TF: variants seen among roughly 807,000 people sequenced by gnomAD.
The protein encoded by TF is serotransferrin.
Under a neutral mutation model 82.4 loss-of-function variants are expected in TF, and 55 were observed. That is an observed-to-expected ratio of 0.67 (90% confidence interval 0.54 to 0.84). The LOEUF (loss-of-function observed/expected upper bound fraction) is 0.84. TF is among the 40% of genes least tolerant of loss of function. The pLI is 0.00. For missense variants in TF, 737 were observed against 868.4 expected (o/e 0.85, Z 1.90); for synonymous variants, 332 against 332.6 (o/e 1.00, Z 0.02).
chr3:133,771,807 C>T (rs1934268754), intron 14 of TF, among the ~76,000 whole-genome samples: 1 of 150,514 alleles, frequency 6.6e-6, no homozygotes, highest in South Asian at 2.1e-4. Context: ...GTTGGACAGC[C>T]ATAATATTAA....
chr3:133,722,935 T>C, the TF span, among the ~76,000 whole-genome samples: 7 of 152,360 alleles, frequency 4.6e-5, no homozygotes, highest in South Asian at 1.4e-3. Context: ...GTAGCACTCC[T>C]TTAAACATTT....
At chr3:133,668,151 GA>G in the TF span, among the ~76,000 whole-genome samples, 1 of 152,210 alleles carries the variant, frequency 6.6e-6, no homozygotes, top group African/African-American at 2.4e-5. Flanking sequence ...AAACTGACTG[GA>G]ACCAAATAGA....
the TF span, among the ~76,000 whole-genome samples, chr3:133,716,367 G>A: frequency 6.6e-6 from 1 of 152,244 alleles, no homozygotes; most frequent in South Asian, 2.1e-4. Flanking sequence ...TCCCACCCAA[G>A]TGCTGCATCC....
the TF span, among the ~76,000 whole-genome samples, chr3:133,663,025 C>T: frequency 6.6e-6 from 1 of 152,206 alleles, no homozygotes; most frequent in South Asian, 2.1e-4. Flanking sequence ...TTTATCTGTG[C>T]ATTTCCTTGG....
rs1460031431 is a variant in TF, at chr3:133,794,808, T to G, written c.*16188T>G. On this transcript the variant is annotated 3_prime_UTR_variant, in exon 17 of 17. Transcript: ENST00000402696. ...CCAAGATCATGAATCAAGACTTCTC[T>G]ATTATCATGAGACTCTTATCTTTGA... The G allele has an allele frequency of 6.6e-6, 1 of 152,270 alleles. No individual in the cohort carries two copies. Among genetic ancestry groups the G allele is most frequent in the Non-Finnish European group, 1.5e-5 (1 of 68,046 alleles). The allele number at this position is 152,270 out of a possible 1,614,324, so 9.4% of individuals were successfully genotyped here. A position where few individuals can be genotyped will look rare whatever the true frequency, so the allele number is the denominator to read the frequency against.
At chr3:133,777,893 G>A in intron 16 of TF, 1 of 156,656 alleles carries the variant, frequency 6.4e-6, no homozygotes, top group Non-Finnish European at 1.4e-5. Context: ...TGAGTCACCT[G>A]AAAAAGTTTG....
At chr3:133,702,544 C>T in the TF span, among the ~76,000 whole-genome samples, 1 of 151,568 alleles carries the variant, frequency 6.6e-6, no homozygotes, top group Non-Finnish European at 1.5e-5. Context: ...GACCCTGTCT[C>T]TAAAAAAATC....
Position 133,784,987 on chromosome 3 carries a change from G to T in TF, c.*6367G>T. The T allele has an allele frequency of 7.4e-6, 1 of 134,366 alleles. No homozygotes were observed. The highest frequency in any genetic ancestry group is 1.7e-5 in the Non-Finnish European group (1 of 59,486). 8.3% of individuals were successfully genotyped at this position (134,366 alleles called of 1,614,324 possible). ...CCGCCTGGCCAGCCGCCCCGTCCGG[G>T]AGGGAGGTGGGGGGGTCAGCCCCCC... is the stretch of plus-strand genomic sequence containing the variant. On this transcript the variant is annotated 3_prime_UTR_variant, in exon 17 of 17. Transcript: ENST00000402696.
At chr3:133,714,282 C>T in the TF span, among the ~76,000 whole-genome samples, 12 of 152,226 alleles carry the variant, frequency 7.9e-5, no homozygotes, top group Middle Eastern at 6.8e-3. Context: ...GTATTGTGGG[C>T]AGTGCTGGAC....
chr3:133,704,333 C>T, the TF span: 6 of 222,944 alleles, frequency 2.7e-5, no homozygotes, highest in East Asian at 6.6e-4. Flanking sequence ...AGGGGAGTGT[C>T]CGTCTCCATT....
Position 133,786,665 on chromosome 3 carries a change from C to T in TF, c.*8045C>T, listed in dbSNP as rs997195985. ...TTTGTACATTTCGTTTTAAGATTCC[C>T]AGGAAAGACAGTCTTCTGAAAATTT... On this transcript the variant is annotated 3_prime_UTR_variant, in exon 17 of 17. Coordinates refer to ENST00000402696, the MANE Select transcript of TF (RefSeq NM_001063.4). The T allele has an allele frequency of 6.6e-6, 1 of 152,150 alleles. No individual in the cohort carries two copies. Among genetic ancestry groups the T allele is most frequent in the African/African-American group, 2.4e-5 (1 of 41,432 alleles). 9.4% of individuals were successfully genotyped at this position (152,150 alleles called of 1,614,324 possible). A position where few individuals can be genotyped will look rare whatever the true frequency, so the allele number is the denominator to read the frequency against.
intron 6 of TF, 45 bp downstream of exon 6, chr3:133,756,382 G>GTGTTCTTT (rs1559870946): frequency 6.3e-7 from 1 of 1,588,340 alleles, no homozygotes; most frequent in Non-Finnish European, 8.6e-7. Context: ...CAAGTAGTGG[G>GTGTTCTTT]TGTTCTTTTT....
the TF span, among the ~76,000 whole-genome samples, chr3:133,732,476 A>C: frequency 6.6e-6 from 1 of 152,190 alleles, no homozygotes; most frequent in Non-Finnish European, 1.5e-5. Flanking sequence ...GGGCCAAATA[A>C]GGGAATAAAA....
At position 133,759,251 on chromosome 3, in the gene TF, T is replaced by C. The variant is rs755287259; in HGVS notation, c.1125T>C (p.Asp375=). The change falls in exon 9 of 17, where the codon GAT becomes GAC. Residue 375 remains aspartate (D), a synonymous_variant. Transcript: ENST00000402696. The stretch of plus-strand genomic sequence containing the variant: ...GCCACCACGAGAGGCTCAAGTGTGA[T>C]GAGTGGAGTGTTAACAGTGTAGGGA... The part of the protein sequence containing the change: ...ALSHHERLKC[D]EWSVNSVGKI... The C allele has an allele frequency of 1.2e-6, 2 of 1,613,930 alleles. No homozygotes were observed. Among genetic ancestry groups the C allele is most frequent in the East Asian group, 4.5e-5 (2 of 44,888 alleles).
the TF span, among the ~76,000 whole-genome samples, chr3:133,668,931 T>G: frequency 2.0e-5 from 3 of 152,198 alleles, no homozygotes; most frequent in Non-Finnish European, 4.4e-5. Flanking sequence ...AGTCCCAGTG[T>G]CCACAGTGGC....
At chr3:133,720,216 T>A in the TF span, among the ~76,000 whole-genome samples, 2 of 152,218 alleles carry the variant, frequency 1.3e-5, no homozygotes, top group Admixed American at 1.3e-4. Flanking sequence ...CCTCCTTCAG[T>A]ATGATGTTAG....
intron 16 of TF, chr3:133,778,321 G>A (rs1197884014): frequency 7.8e-6 from 3 of 382,930 alleles, no homozygotes; most frequent in Non-Finnish European, 1.5e-5. Context: ...TCAGATGTGT[G>A]AGCCTCGCCC....
At chr3:133,768,933 C>T (rs113831255) in intron 13 of TF, among the ~76,000 whole-genome samples, 98 of 152,054 alleles carry the variant, frequency 6.4e-4, no homozygotes, top group African/African-American at 2.3e-3. Context: ...GCTGGGATTA[C>T]AGGCATGCAC....
At chr3:133,748,001 C>G (rs988953278) in intron 1 of TF, 4 of 199,024 alleles carry the variant, frequency 2.0e-5, no homozygotes, top group Non-Finnish European at 4.2e-5. Context: ...ATTCCTCCCC[C>G]GCTGGTTTTC....
Sources: gnomAD v4.1 joint callset for allele counts (sites outside exome capture counted in the v4.1 genomes callset) on GRCh38, gnomAD v4.1.1 for gene constraint, MANE v1.5 for transcripts, NCBI Gene and HGNC (gene_info 2026-07-23, HGNC 2026-07-21) for gene names.